PRKAG2: variants seen among roughly 807,000 people sequenced by gnomAD.
PRKAG2 encodes protein kinase AMP-activated non-catalytic subunit gamma 2, also known as 5'-AMP-activated protein kinase subunit gamma-2.
A neutral mutation model predicts 69.6 loss-of-function variants in PRKAG2; 26 were observed. The ratio of observed to expected loss-of-function variants is 0.37; its 90% CI spans 0.27 to 0.52. The LOEUF (loss-of-function observed/expected upper bound fraction) is 0.52. PRKAG2 is among the 20% of genes least tolerant of loss of function. The pLI, the probability that PRKAG2 is intolerant of heterozygous loss-of-function variation, is 0.90. For missense variants in PRKAG2, 557 were observed against 740.0 expected (o/e 0.75, Z 2.87); for synonymous variants, 293 against 285.0 (o/e 1.03, Z -0.28).
At chr7:151,748,038 A>C (rs1281037182) in intron 3 of PRKAG2, among the ~76,000 whole-genome samples, 1 of 150,254 alleles carries the variant, frequency 6.7e-6, no homozygotes, top group Non-Finnish European at 1.5e-5. Flanking sequence ...CTCCCACATC[A>C]GCCTCCCTAG....
At chr7:151,609,749 C>T (rs1170526433) in intron 5 of PRKAG2, among the ~76,000 whole-genome samples, 1 of 152,122 alleles carries the variant, frequency 6.6e-6, no homozygotes, top group Non-Finnish European at 1.5e-5. Context: ...GGAGGATTGT[C>T]CCATCACTCC....
intron 1 of PRKAG2, among the ~76,000 whole-genome samples, chr7:151,792,125 A>G (rs2077295875): frequency 6.6e-6 from 1 of 152,234 alleles, no homozygotes; most frequent in Non-Finnish European, 1.5e-5. Flanking sequence ...AGAGGCTATA[A>G]AAAGAGAGCT....
intron 1 of PRKAG2, among the ~76,000 whole-genome samples, chr7:151,875,905 C>G (rs927004196): frequency 2.0e-5 from 3 of 152,060 alleles, no homozygotes; most frequent in Non-Finnish European, 2.9e-5. Context: ...CACAGAGACC[C>G]AAAGTACACT....
In PRKAG2 at chr7:151,777,162, A is replaced by AG. The variant is rs2076407124; in HGVS notation, c.466+3989dup. ...TGTGCAGACCACAGGCCCCAATGGA[A>AG]GGGGCCATGGCCAGGTTCAGCATGG... On this transcript the variant is annotated intron_variant, in intron 3 of 15. Coordinates refer to ENST00000287878, the MANE Select transcript of PRKAG2 (RefSeq NM_016203.4). This position sits in a 1 kb window ranked among gnomAD's most constrained non-coding sequence, Gnocchi z 4.3. 6.6e-6 allele frequency among the ~76,000 whole-genome samples: 1 copy of AG among 152,140 alleles called. No individual in the cohort carries two copies. Among genetic ancestry groups the AG allele is most frequent in the South Asian group, 2.1e-4 (1 of 4,834 alleles).
chr7:151,837,569 A>G (rs539723936), intron 1 of PRKAG2: 23 of 152,354 alleles, frequency 1.5e-4, no homozygotes, highest in African/African-American at 5.3e-4. Flanking sequence ...ACCTTTTTAA[A>G]GATTAGAAGC....
chr7:151,579,095 C>T (rs1388842143), intron 6 of PRKAG2, among the ~76,000 whole-genome samples: 1 of 152,126 alleles, frequency 6.6e-6, no homozygotes, highest in Non-Finnish European at 1.5e-5. Context: ...TTCCTCACTG[C>T]ACCCCTCCCC....
Position 151,781,007 on chromosome 7 carries a change from G to T in PRKAG2, c.466+145C>A. ...GAGAGAGATTTGTTTAGGGGGAAGT[G>T]GGGGTGGGGAGAAACAGATACAGGC... On this transcript the variant is annotated intron_variant, in intron 3 of 15. Coordinates refer to ENST00000287878, the MANE Select transcript of PRKAG2 (RefSeq NM_016203.4). This position sits in a 1 kb window ranked among gnomAD's most constrained non-coding sequence, Gnocchi z 6.1. The T allele has an allele frequency of 9.4e-7, 1 of 1,059,018 alleles. No homozygotes were observed. Among genetic ancestry groups the T allele is most frequent in the Non-Finnish European group, 1.4e-6 (1 of 699,370 alleles). The allele number at this position is 1,059,018 out of a possible 1,614,324, so 65.6% of individuals were successfully genotyped here. A position where few individuals can be genotyped will look rare whatever the true frequency, so the allele number is the denominator to read the frequency against.
chr7:151,802,398 G>GC (rs1351612803), intron 1 of PRKAG2, among the ~76,000 whole-genome samples: 1 of 152,144 alleles, frequency 6.6e-6, no homozygotes, highest in East Asian at 1.9e-4. Flanking sequence ...TTCCAGGATG[G>GC]CCGAGGGTGC....
intron 3 of PRKAG2, among the ~76,000 whole-genome samples, chr7:151,690,933 C>T (rs1056326893): frequency 2.6e-5 from 4 of 152,174 alleles, no homozygotes; most frequent in African/African-American, 9.7e-5. Flanking sequence ...GTGCACTGTC[C>T]CAGCTCAAGA....
chr7:151,668,946 G>C (rs1210644480), intron 4 of PRKAG2, among the ~76,000 whole-genome samples: 2 of 152,230 alleles, frequency 1.3e-5, no homozygotes, highest in East Asian at 3.8e-4. Flanking sequence ...AATTGGAAAA[G>C]CGCTGATCAT....
chr7:151,558,985 G>T, intron 15 of PRKAG2: 3 of 985,414 alleles, frequency 3.0e-6, no homozygotes, highest in Non-Finnish European at 3.6e-6. Context: ...AGCCTGACCC[G>T]CTGGGCAGAC....
chr7:151,655,019 T>C (rs66576954), intron 4 of PRKAG2, among the ~76,000 whole-genome samples: 46,023 of 152,110 alleles, frequency 0.3, 6,999 homozygotes, highest in Middle Eastern at 0.39. Flanking sequence ...GAATTCACTC[T>C]TGAAAATGAA....
chr7:151,827,597 G>A (rs544282939), intron 1 of PRKAG2, among the ~76,000 whole-genome samples: 1 of 152,088 alleles, frequency 6.6e-6, no homozygotes, highest in Admixed American at 6.6e-5. Flanking sequence ...AAAATAGGTA[G>A]GTAGACCTAG....
At chr7:151,736,191 C>T (rs1424759892) in intron 3 of PRKAG2, 1 of 1,417,134 alleles carries the variant, frequency 7.1e-7, no homozygotes, top group African/African-American at 1.4e-5. Context: ...AGGGCGACCT[C>T]ACCGCAGCCC....
chr7:151,682,373 C>T (rs115023519), intron 3 of PRKAG2, among the ~76,000 whole-genome samples: 1,823 of 152,014 alleles, frequency 0.012, 33 homozygotes, highest in African/African-American at 0.039. Context: ...CCTGAGTAGC[C>T]GGAACTCCAG....
At chr7:151,865,026 T>C (rs1408759412) in intron 1 of PRKAG2, among the ~76,000 whole-genome samples, 2 of 152,214 alleles carry the variant, frequency 1.3e-5, no homozygotes, top group East Asian at 1.9e-4. Flanking sequence ...GAATGTATTA[T>C]ATATGTAAAC....
Position 151,560,520 on chromosome 7 carries a change from T to C in PRKAG2, c.1678+4A>G. 2.5e-6 allele frequency: 4 copies of C among 1,614,148 alleles called. No homozygotes were observed. Among genetic ancestry groups the C allele is most frequent in the Non-Finnish European group, 3.4e-6 (4 of 1,179,998 alleles). On this transcript the variant is annotated splice_donor_region_variant and intron_variant, in intron 15 of 15. Transcript: ENST00000287878. ...ATGGCAAAGGTCAGAAACCAGCATT[T>C]TACCTGCTGGTGTGAGGATCAGGGC...
rs992661370 is a variant in PRKAG2, at chr7:151,775,734, C to G, written c.466+5418G>C. Reference sequence around the variant, plus strand: ...AGCTATTCTTGGTACCAAGACCAGACAGCAAGTTCCTCCCAGGGGCCTTGT... The same window carrying G: ...AGCTATTCTTGGTACCAAGACCAGAGAGCAAGTTCCTCCCAGGGGCCTTGT... On this transcript the variant is annotated intron_variant, in intron 3 of 15. Transcript: ENST00000287878. Among the ~76,000 whole-genome samples, 18 of 152,308 alleles carry G rather than the reference C, an allele frequency of 1.2e-4. 1 individual carries two copies. The South Asian group carries it at 3.3e-3, about 28-fold the overall frequency.
chr7:151,705,471 G>T (rs1210172543), intron 3 of PRKAG2, among the ~76,000 whole-genome samples: 2 of 152,190 alleles, frequency 1.3e-5, no homozygotes, highest in Non-Finnish European at 2.9e-5. Context: ...CCGGCATCTG[G>T]CTGCAAGCAT....
Sources: gnomAD v4.1 joint callset for allele counts (sites outside exome capture counted in the v4.1 genomes callset) on GRCh38, gnomAD v4.1.1 for gene constraint, Gnocchi (gnomAD v3.1) non-coding constraint, MANE v1.5 for transcripts, NCBI Gene and HGNC (gene_info 2026-07-23, HGNC 2026-07-21) for gene names.